Variants in GRID2 observed in about 807,000 individuals in gnomAD.
GRID2 encodes glutamate receptor ionotropic, delta-2.
A neutral mutation model predicts 114.8 loss-of-function variants in GRID2; 33 were observed. That is an observed-to-expected ratio of 0.29 (90% confidence interval 0.22 to 0.38). The LOEUF (loss-of-function observed/expected upper bound fraction) is 0.38, where lower values mean the gene tolerates loss of function less well. GRID2 is among the 10% of genes least tolerant of loss of function. The pLI is 1.00. For missense variants in GRID2, 1,184 were observed against 1,257.7 expected (o/e 0.94, Z 0.89); for synonymous variants, 505 against 449.9 (o/e 1.12, Z -1.55).
chr4:92,784,680 G>A (rs1739238171), intron 2 of GRID2, among the ~76,000 whole-genome samples: 1 of 151,806 alleles, frequency 6.6e-6, no homozygotes, highest in Non-Finnish European at 1.5e-5. Flanking sequence ...CAGTCTTATA[G>A]TACTTAGAAA....
intron 8 of GRID2, among the ~76,000 whole-genome samples, chr4:93,325,094 G>C (rs943726532): frequency 6.6e-6 from 1 of 152,038 alleles, no homozygotes; most frequent in Non-Finnish European, 1.5e-5. Context: ...GAATGTGTTT[G>C]CTCTTGCTTC....
chr4:93,093,102 A>G (rs1191507874), intron 3 of GRID2, among the ~76,000 whole-genome samples: 1 of 152,090 alleles, frequency 6.6e-6, no homozygotes, highest in Admixed American at 6.6e-5. Context: ...ACTTAGCTTC[A>G]GGAGGTAAAG....
At chr4:92,697,933 AAC>A (rs1366906981) in intron 2 of GRID2, among the ~76,000 whole-genome samples, 1 of 152,144 alleles carries the variant, frequency 6.6e-6, no homozygotes, top group Non-Finnish European at 1.5e-5. Context: ...GAAAAATTAA[AAC>A]AGAGGTAGGT....
intron 2 of GRID2, among the ~76,000 whole-genome samples, chr4:92,833,051 T>A (rs143867692): frequency 6.6e-6 from 1 of 152,312 alleles, no homozygotes; most frequent in East Asian, 1.9e-4. Flanking sequence ...AACAGTTGTT[T>A]CTTAAAGTAT....
chr4:93,683,515 G>T (rs79455617), intron 14 of GRID2, among the ~76,000 whole-genome samples: 4,645 of 152,102 alleles, frequency 0.031, 110 homozygotes, highest in African/African-American at 0.062. Flanking sequence ...TGGTGTTCTG[G>T]TATTTGCTTA....
At chr4:92,365,218 T>C (rs1406581553) in intron 1 of GRID2, among the ~76,000 whole-genome samples, 3 of 152,100 alleles carry the variant, frequency 2.0e-5, no homozygotes, top group African/African-American at 4.8e-5. Flanking sequence ...GGCCAAGATA[T>C]GAAATCAACC....
chr4:93,259,574 A>C (rs1171934815), intron 8 of GRID2, among the ~76,000 whole-genome samples: 1 of 151,876 alleles, frequency 6.6e-6, no homozygotes, highest in Non-Finnish European at 1.5e-5. Context: ...CTAATTAAGT[A>C]AATAAATAAA....
intron 2 of GRID2, among the ~76,000 whole-genome samples, chr4:92,791,587 A>T (rs1739595485): frequency 6.6e-6 from 1 of 151,856 alleles, no homozygotes; most frequent in African/African-American, 2.4e-5. Flanking sequence ...AAACAGAATA[A>T]TCAGTTTCAA....
chr4:92,720,678 AAAT>A (rs1254575518), intron 2 of GRID2, among the ~76,000 whole-genome samples: 1 of 152,114 alleles, frequency 6.6e-6, no homozygotes, highest in Admixed American at 6.6e-5. Context: ...GGAACTGAAA[AAAT>A]ATCTCTTTAT....
intron 8 of GRID2, among the ~76,000 whole-genome samples, chr4:93,303,985 T>C (rs1391526260): frequency 3.3e-5 from 5 of 151,994 alleles, no homozygotes; most frequent in Non-Finnish European, 7.4e-5. Context: ...ATTTTTCTTT[T>C]CTCATTGCTT....
intron 1 of GRID2, among the ~76,000 whole-genome samples, chr4:92,585,325 T>G (rs1728378911): frequency 6.6e-6 from 1 of 152,046 alleles, no homozygotes; most frequent in Admixed American, 6.6e-5. Flanking sequence ...GTTTATTCCT[T>G]TTATGATTAC....
At chr4:93,635,042 C>A (rs557305300) in intron 14 of GRID2, among the ~76,000 whole-genome samples, 2 of 151,970 alleles carry the variant, frequency 1.3e-5, no homozygotes, top group Admixed American at 1.3e-4. Flanking sequence ...ATTTACTACC[C>A]GGTAAATAAA....
intron 1 of GRID2, among the ~76,000 whole-genome samples, chr4:92,549,332 C>T (rs894716262): frequency 3.3e-5 from 5 of 152,032 alleles, no homozygotes; most frequent in African/African-American, 1.2e-4. Context: ...GATATGGTTA[C>T]CCTCAGGGAC....
chr4:92,909,316 C>T (rs1327407175), intron 2 of GRID2, among the ~76,000 whole-genome samples: 2 of 150,876 alleles, frequency 1.3e-5, no homozygotes, highest in African/African-American at 2.4e-5. Flanking sequence ...TTTGCGATAG[C>T]CATCTCTCCT....
chr4:93,346,566 A>T (rs1217095643), intron 8 of GRID2, among the ~76,000 whole-genome samples: 1 of 152,086 alleles, frequency 6.6e-6, no homozygotes, highest in Non-Finnish European at 1.5e-5. Context: ...ATTGGGGAAA[A>T]TTTGTTTCAT....
intron 8 of GRID2, among the ~76,000 whole-genome samples, chr4:93,348,624 C>A (rs1309638820): frequency 1.7e-4 from 26 of 152,116 alleles, no homozygotes; most frequent in Admixed American, 1.7e-3. Context: ...AGGCCCCAGA[C>A]TGTGCTGGGG....
chr4:92,963,272 A>C (rs1255604377), intron 2 of GRID2, among the ~76,000 whole-genome samples: 1 of 151,996 alleles, frequency 6.6e-6, no homozygotes, highest in African/African-American at 2.4e-5. Context: ...TGTTTCACAA[A>C]AGATTTCTCT....
At chr4:93,587,986 C>A (rs1737713445) in intron 13 of GRID2, among the ~76,000 whole-genome samples, 1 of 152,044 alleles carries the variant, frequency 6.6e-6, no homozygotes, top group Non-Finnish European at 1.5e-5. Context: ...AGATAATAAT[C>A]CTATATTAAC....
Position 93,560,222 on chromosome 4 carries a change from TAAAAAAAAAAAAAAA to T in GRID2, c.2193+44828_2193+44842del, listed in dbSNP as rs70942974. Among the ~76,000 whole-genome samples, 38 of 42,960 alleles carry T rather than the reference TAAAAAAAAAAAAAAA, an allele frequency of 8.8e-4. 1 individual carries two copies. The highest frequency in any genetic ancestry group is 1.2e-3 in the Non-Finnish European group (29 of 25,190). 28.2% of individuals were successfully genotyped at this position (42,960 alleles called of 152,430 possible). On this transcript the variant is annotated intron_variant, in intron 13 of 15. Transcript: ENST00000282020. ...TACGCATGTATTCCAGAACTTAAAG[TAAAAAAAAAAAAAAA>T]AAAAAAAAAAAAAAAACAGAAAGAA...
Sources: allele counts gnomAD v4.1 joint callset (sites outside exome capture counted in the v4.1 genomes callset), GRCh38; gene constraint gnomAD v4.1.1; transcripts MANE v1.5; gene names NCBI Gene and HGNC (gene_info 2026-07-23, HGNC 2026-07-21).